The following PRIMPOL variants were observed in gnomAD, a reference collection of about 807,000 sequenced individuals.
PRIMPOL encodes the protein DNA-directed primase/polymerase protein.
In PRIMPOL, 54 loss-of-function variants were observed where a neutral mutation model predicts 63.6. The observed-to-expected ratio is 0.85, with a 90% CI of 0.68 to 1.07. The LOEUF is 1.07. Among genes scored for constraint, PRIMPOL ranks in the 50% least tolerant of loss-of-function variants. The pLI, the probability that PRIMPOL is intolerant of heterozygous loss-of-function variation, is 0.00. For missense variants in PRIMPOL, 610 were observed against 648.3 expected (o/e 0.94, Z 0.64); for synonymous variants, 197 against 220.2 (o/e 0.89, Z 0.93).
At chr4:184,691,772 C>T in intron 13 of PRIMPOL, 60 bp downstream of exon 13, 2 of 1,315,656 alleles carry the variant, frequency 1.5e-6, no homozygotes, top group Non-Finnish European at 2.2e-6. Flanking sequence ...AATAGTATAC[C>T]TGAGCCATGA....
chr4:184,674,429 G>A (rs559619273), intron 7 of PRIMPOL, among the ~76,000 whole-genome samples: 22 of 152,154 alleles, frequency 1.4e-4, no homozygotes, highest in African/African-American at 4.1e-4. Context: ...TCCTCCTTCC[G>A]GTCCGGACCC....
Position 184,657,125 on chromosome 4 carries a change from C to G in PRIMPOL, c.-16C>G, listed in dbSNP as rs1746677686. 1 of 1,568,390 alleles carries G rather than the reference C, an allele frequency of 6.4e-7. No individual in the cohort carries two copies. Among genetic ancestry groups the G allele is most frequent in the Non-Finnish European group, 8.6e-7 (1 of 1,157,570 alleles). ...TTACGTGGGATAGGATTTATTCTCT[C>G]CACACTTCTGAACCAATGAATAGAA... On this transcript the variant is annotated 5_prime_UTR_variant, in exon 3 of 14. Transcript: ENST00000314970.
chr4:184,657,849 C>T (rs1296935906), intron 3 of PRIMPOL, among the ~76,000 whole-genome samples: 7 of 152,020 alleles, frequency 4.6e-5, no homozygotes, highest in Admixed American at 1.3e-4. Context: ...CAAAATTAGC[C>T]GGGTGTGGTG....
chr4:184,662,000 T>G, intron 5 of PRIMPOL, 97 bp downstream of exon 5: 1 of 1,038,586 alleles, frequency 9.6e-7, no homozygotes, highest in Non-Finnish European at 1.3e-6. Context: ...GTTCTGTATC[T>G]CTTCTTTTTC....
Position 184,672,311 on chromosome 4 carries a change from A to C in PRIMPOL, c.695A>C (p.Lys232Thr). Residue 232 changes from lysine (K) to threonine (T), a missense_variant, in exon 7 of 14, where the codon AAA becomes ACA. Lys to Thr is a moderately conservative substitution (Grantham distance 78). This residue lies in a region of PRIMPOL where 444 missense variants were observed against 456.4 expected (regional missense o/e 0.97). Coordinates refer to ENST00000314970, the MANE Select transcript of PRIMPOL (RefSeq NM_152683.4). ...GCAAGACAAGGATTTTCTTTCAATA[A>C]AATGTTCACAGAAAAGGCTACAGAG... ...APARQGFSFNKMFTEKATEES... is the reference protein window; with the variant it reads ...APARQGFSFNTMFTEKATEES... The C allele has an allele frequency of 2.5e-6, 4 of 1,614,150 alleles. No individual in the cohort carries two copies. The highest frequency in any genetic ancestry group is 3.4e-6 in the Non-Finnish European group (4 of 1,180,036).
At chr4:184,678,141 A>T in intron 7 of PRIMPOL, 91 bp from the exon 8 acceptor site, 1 of 692,870 alleles carries the variant, frequency 1.4e-6, no homozygotes, top group Non-Finnish European at 2.3e-6. Flanking sequence ...ATTATTTTTT[A>T]TTAATGCTAT....
At chr4:184,675,830 C>A (rs1456798197) in intron 7 of PRIMPOL, among the ~76,000 whole-genome samples, 1 of 152,036 alleles carries the variant, frequency 6.6e-6, no homozygotes, top group Non-Finnish European at 1.5e-5. Flanking sequence ...AACAAACAAA[C>A]AAACAAACAA....
At chr4:184,680,776 C>T (rs1351887939) in intron 8 of PRIMPOL, among the ~76,000 whole-genome samples, 1 of 152,150 alleles carries the variant, frequency 6.6e-6, no homozygotes, top group East Asian at 1.9e-4. Flanking sequence ...GCACATAAAA[C>T]ATTTACAGCT....
intron 1 of PRIMPOL, among the ~76,000 whole-genome samples, chr4:184,650,486 G>C (rs1450096134): frequency 1.7e-5 from 1 of 59,920 alleles, no homozygotes; most frequent in Non-Finnish European, 4.9e-5. Flanking sequence ...GGCTGGATGC[G>C]GACTATTTTT....
At chr4:184,689,816 A>G (rs1267767532) in intron 11 of PRIMPOL, among the ~76,000 whole-genome samples, 2 of 152,194 alleles carry the variant, frequency 1.3e-5, no homozygotes, top group African/African-American at 2.4e-5. Context: ...AAGATGGAGC[A>G]TGAATGAAAG....
chr4:184,682,447 C>G (rs1227127624), intron 9 of PRIMPOL, 111 bp downstream of exon 9: 1 of 580,842 alleles, frequency 1.7e-6, no homozygotes, highest in South Asian at 2.1e-5. Context: ...CTCCCAGGCT[C>G]AAGCCATCTC....
At chr4:184,658,051 A>C (rs1054067995) in intron 3 of PRIMPOL, among the ~76,000 whole-genome samples, 2 of 148,206 alleles carry the variant, frequency 1.3e-5, no homozygotes, top group Admixed American at 6.9e-5. Context: ...TAAATCAAGC[A>C]ACAGATGTGT....
chr4:184,665,065 C>T (rs1749471992), intron 5 of PRIMPOL, among the ~76,000 whole-genome samples: 1 of 152,168 alleles, frequency 6.6e-6, no homozygotes, highest in Non-Finnish European at 1.5e-5. Flanking sequence ...CATTTTTGCT[C>T]ATGTCAAGAT....
intron 6 of PRIMPOL, among the ~76,000 whole-genome samples, chr4:184,668,195 C>T (rs1050152964): frequency 2.4e-4 from 37 of 152,222 alleles, no homozygotes; most frequent in African/African-American, 8.7e-4. Context: ...ACACTCCCCA[C>T]ACAGATGGTT....
intron 5 of PRIMPOL, among the ~76,000 whole-genome samples, chr4:184,664,463 T>C (rs1749257132): frequency 6.6e-6 from 1 of 152,244 alleles, no homozygotes; most frequent in Non-Finnish European, 1.5e-5. Flanking sequence ...CCCCAAGTAA[T>C]ATCTAATGTG....
chr4:184,687,246 A>AT (rs1757216803), intron 11 of PRIMPOL, among the ~76,000 whole-genome samples: 1 of 151,864 alleles, frequency 6.6e-6, no homozygotes, highest in South Asian at 2.1e-4. Context: ...AATTTTTGTA[A>AT]TTTTAGTAGA....
intron 1 of PRIMPOL, among the ~76,000 whole-genome samples, chr4:184,650,177 C>T (rs1050173695): frequency 1.3e-5 from 2 of 152,330 alleles, no homozygotes; most frequent in East Asian, 1.9e-4. Context: ...AGGCTCAAGC[C>T]GCTCACGCAT....
intron 11 of PRIMPOL, among the ~76,000 whole-genome samples, chr4:184,689,646 C>T (rs549794352): frequency 1.2e-4 from 18 of 151,724 alleles, no homozygotes; most frequent in East Asian, 5.8e-4. Context: ...ATTAGAGATG[C>T]GGTTTCACCA....
At chr4:184,667,350 G>C (rs552059417) in intron 6 of PRIMPOL, among the ~76,000 whole-genome samples, 187 of 151,266 alleles carry the variant, frequency 1.2e-3, no homozygotes, top group Non-Finnish European at 2.3e-3. Flanking sequence ...TCGCTCTGTC[G>C]CCCAGGCTGG....
Sources: allele counts gnomAD v4.1 joint callset (sites outside exome capture counted in the v4.1 genomes callset), GRCh38; gene constraint gnomAD v4.1.1; regional missense constraint gnomAD v4.1.1; transcripts MANE v1.5; gene names NCBI Gene and HGNC (gene_info 2026-07-23, HGNC 2026-07-21).